Variants in BRINP3 observed in about 807,000 individuals in gnomAD.
BRINP3 encodes BMP/retinoic acid inducible neural specific 3.
In BRINP3, 19 loss-of-function variants were observed where a neutral mutation model predicts 71.0. The observed-to-expected ratio is 0.27, with a 90% CI of 0.19 to 0.39. BRINP3 has a LOEUF of 0.39. Among genes scored for constraint, BRINP3 ranks in the 10% least tolerant of loss-of-function variants. The pLI, the probability that BRINP3 is intolerant of heterozygous loss-of-function variation, is 1.00. For missense variants in BRINP3, 959 were observed against 940.8 expected (o/e 1.02, Z -0.25); for synonymous variants, 380 against 337.7 (o/e 1.13, Z -1.37).
At chr1:190,260,073 AAAAAAAAAAG>A (rs1661047143) in intron 4 of BRINP3, among the ~76,000 whole-genome samples, 4 of 150,794 alleles carry the variant, frequency 2.7e-5, no homozygotes, top group African/African-American at 9.7e-5. Context: ...AGAACCACAA[AAAAAAAAAAG>A]AAAAAGAAAA....
At chr1:190,385,414 G>A (rs1670825227) in intron 2 of BRINP3, among the ~76,000 whole-genome samples, 1 of 151,738 alleles carries the variant, frequency 6.6e-6, no homozygotes, top group Admixed American at 6.6e-5. Context: ...TCAAAAAGTG[G>A]GCAAAGGACA....
At chr1:190,141,606 G>A (rs1194363206) in intron 7 of BRINP3, among the ~76,000 whole-genome samples, 1 of 129,106 alleles carries the variant, frequency 7.7e-6, no homozygotes, top group African/African-American at 3.0e-5. Flanking sequence ...CTGTCACCCA[G>A]GCTAGTGTGA....
intron 1 of BRINP3, among the ~76,000 whole-genome samples, chr1:190,462,101 G>A (rs1181469782): frequency 2.0e-5 from 3 of 151,746 alleles, no homozygotes; most frequent in Admixed American, 2.0e-4. Flanking sequence ...TAGTAGAGAT[G>A]GGATTTCACC....
chr1:190,140,896 C>T (rs1655375034), intron 7 of BRINP3, among the ~76,000 whole-genome samples: 1 of 152,142 alleles, frequency 6.6e-6, no homozygotes, highest in South Asian at 2.1e-4. Context: ...TAGTCTGCCA[C>T]TCCTCCCTTG....
At position 190,416,845 on chromosome 1, in the gene BRINP3, G is replaced by A. The variant is rs74130747; in HGVS notation, c.236+37810C>T. On this transcript the variant is annotated intron_variant, in intron 2 of 7. Transcript: ENST00000367462. ...TACTCCAGAACCGGAGTCTTTAGCT[G>A]CAGTGATAACCTGTGCCTGTTAACA... Among the ~76,000 whole-genome samples, 1,040 of 152,204 alleles carry A rather than the reference G, an allele frequency of 6.8e-3. 10 individuals are homozygous for A. The highest frequency in any genetic ancestry group is 0.023 in the African/African-American group (968 of 41,530).
At chr1:190,211,778 T>G (rs1656010691) in intron 6 of BRINP3, among the ~76,000 whole-genome samples, 1 of 152,096 alleles carries the variant, frequency 6.6e-6, no homozygotes, top group African/African-American at 2.4e-5. Context: ...TGTTTGGCAC[T>G]CCATAGCCAT....
chr1:190,279,608 C>A (rs1662883890), intron 3 of BRINP3, among the ~76,000 whole-genome samples: 1 of 151,894 alleles, frequency 6.6e-6, no homozygotes, highest in African/African-American at 2.4e-5. Flanking sequence ...TACAGCCAGA[C>A]TTTTCCATCT....
chr1:190,358,797 G>A (rs913323042), intron 2 of BRINP3, among the ~76,000 whole-genome samples: 5 of 152,140 alleles, frequency 3.3e-5, no homozygotes, highest in Non-Finnish European at 7.3e-5. Context: ...TTAAGAAAAT[G>A]TGGCACATAT....
At chr1:190,261,686 C>T (rs1188823365) in intron 4 of BRINP3, among the ~76,000 whole-genome samples, 2 of 152,156 alleles carry the variant, frequency 1.3e-5, no homozygotes, top group Non-Finnish European at 2.9e-5. Flanking sequence ...CACAGAACAA[C>T]TTCATTCAAT....
chr1:190,207,893 T>C (rs1655650366), intron 6 of BRINP3, among the ~76,000 whole-genome samples: 1 of 152,104 alleles, frequency 6.6e-6, no homozygotes, highest in Non-Finnish European at 1.5e-5. Flanking sequence ...TAACCGTGAC[T>C]GAAGGCATCT....
chr1:190,189,764 A>G (rs72729153), intron 6 of BRINP3, among the ~76,000 whole-genome samples: 15 of 152,170 alleles, frequency 9.9e-5, no homozygotes, highest in Non-Finnish European at 1.6e-4. Flanking sequence ...CCATTTCTTT[A>G]GGCCATATTA....
At chr1:190,471,604 A>G (rs1677143443) in intron 1 of BRINP3, among the ~76,000 whole-genome samples, 1 of 151,402 alleles carries the variant, frequency 6.6e-6, no homozygotes, top group African/African-American at 2.4e-5. Context: ...ATTCTAGTAA[A>G]CTTTATATGA....
At chr1:190,339,005 A>AAAAT (rs144106726) in intron 2 of BRINP3, among the ~76,000 whole-genome samples, 15,474 of 143,708 alleles carry the variant, frequency 0.11, 962 homozygotes, top group African/African-American at 0.16. Context: ...TTGCAAATGC[A>AAAAT]AAATAAATAA....
intron 6 of BRINP3, among the ~76,000 whole-genome samples, chr1:190,165,956 G>A (rs969569922): frequency 1.5e-4 from 23 of 152,134 alleles, no homozygotes; most frequent in Non-Finnish European, 4.4e-5. Context: ...ATAACCCTTA[G>A]TAGAACTGGT....
intron 7 of BRINP3, among the ~76,000 whole-genome samples, chr1:190,159,996 T>C (rs538609497): frequency 2.6e-5 from 4 of 152,114 alleles, no homozygotes; most frequent in South Asian, 4.1e-4. Context: ...CTGATACAAA[T>C]ATATATTTCT....
rs190787344 is a variant in BRINP3, at chr1:190,430,624, G to A, written c.236+24031C>T. ...AATTGTATAATTAAAATATATTTTG[G>A]TATTACACGTGAGTTTCTCTTACTT... On this transcript the variant is annotated intron_variant, in intron 2 of 7. Transcript: ENST00000367462. Among the ~76,000 whole-genome samples, 4 of 152,192 alleles carry A rather than the reference G, an allele frequency of 2.6e-5. No individual in the cohort carries two copies. In the East Asian group the frequency reaches 7.7e-4, roughly 29 times the overall value.
At chr1:190,369,771 G>C (rs1669741612) in intron 2 of BRINP3, among the ~76,000 whole-genome samples, 1 of 151,958 alleles carries the variant, frequency 6.6e-6, no homozygotes, top group Admixed American at 6.6e-5. Context: ...TGAACTTACT[G>C]ACCCGAATAT....
intron 3 of BRINP3, among the ~76,000 whole-genome samples, chr1:190,268,499 A>C (rs1182549864): frequency 6.6e-6 from 1 of 152,188 alleles, no homozygotes; most frequent in Non-Finnish European, 1.5e-5. Flanking sequence ...AATCAGAACC[A>C]GACAAACATA....
intron 1 of BRINP3, among the ~76,000 whole-genome samples, chr1:190,465,753 A>T (rs1676702318): frequency 6.6e-6 from 1 of 151,888 alleles, no homozygotes; most frequent in East Asian, 1.9e-4. Context: ...AAAGTAGCCC[A>T]CCTTGAATAA....
Sources: allele counts gnomAD v4.1 joint callset (sites outside exome capture counted in the v4.1 genomes callset), GRCh38; gene constraint gnomAD v4.1.1; transcripts MANE v1.5; gene names NCBI Gene and HGNC (gene_info 2026-07-23, HGNC 2026-07-21).